The following TRAPPC9 variants were observed in gnomAD, a reference collection of about 807,000 sequenced individuals.
TRAPPC9 encodes trafficking protein particle complex subunit 9.
Under a neutral mutation model 124.0 loss-of-function variants are expected in TRAPPC9, and 83 were observed. The observed-to-expected ratio is 0.67, with a 90% CI of 0.56 to 0.80. The LOEUF (loss-of-function observed/expected upper bound fraction) is 0.80, where lower values mean the gene tolerates loss of function less well. TRAPPC9 is among the 30% of genes least tolerant of loss of function. The probability of loss-of-function intolerance (pLI) is 0.00; values close to 1 mark genes in which losing one functional copy is unlikely to be tolerated. For synonymous variants in TRAPPC9, 638 were observed against 617.5 expected (o/e 1.03, Z -0.49); for missense variants, 1,302 against 1,508.3 (o/e 0.86, Z 2.27).
At chr8:140,077,980 G>C (rs962160062) in intron 17 of TRAPPC9, among the ~76,000 whole-genome samples, 2 of 152,140 alleles carry the variant, frequency 1.3e-5, no homozygotes, top group Non-Finnish European at 2.9e-5. Context: ...ATTTGTCATG[G>C]AGATAAAATA....
intron 9 of TRAPPC9, among the ~76,000 whole-genome samples, chr8:140,327,146 G>C (rs969328830): frequency 6.6e-6 from 1 of 151,964 alleles, no homozygotes; most frequent in East Asian, 1.9e-4. Flanking sequence ...CCAGCTACTC[G>C]GGAGACTGAG....
chr8:140,372,515 T>C (rs1274876050), intron 7 of TRAPPC9, among the ~76,000 whole-genome samples: 2 of 152,214 alleles, frequency 1.3e-5, no homozygotes, highest in African/African-American at 2.4e-5. Flanking sequence ...CTTAGGTTCC[T>C]GAGACATGGC....
chr8:139,816,596 C>A (rs1410163867), intron 21 of TRAPPC9, among the ~76,000 whole-genome samples: 1 of 145,708 alleles, frequency 6.9e-6, no homozygotes, highest in Non-Finnish European at 1.5e-5. Flanking sequence ...CAGAGAACAT[C>A]CCACGGCTCC....
chr8:139,866,809 T>C (rs986939775), intron 21 of TRAPPC9, among the ~76,000 whole-genome samples: 3 of 152,112 alleles, frequency 2.0e-5, no homozygotes, highest in African/African-American at 7.2e-5. Flanking sequence ...TATATGTCTA[T>C]TTCCCAGCTC....
At chr8:140,149,870 A>G (rs560474335) in intron 17 of TRAPPC9, among the ~76,000 whole-genome samples, 6 of 152,134 alleles carry the variant, frequency 3.9e-5, no homozygotes, top group Non-Finnish European at 5.9e-5. Context: ...GGCTCTCTGT[A>G]TATCATGCAT....
At chr8:139,879,224 G>A (rs1249182461) in intron 21 of TRAPPC9, among the ~76,000 whole-genome samples, 1 of 152,198 alleles carries the variant, frequency 6.6e-6, no homozygotes, top group Non-Finnish European at 1.5e-5. Context: ...ATGGGGGGTG[G>A]GGCGCAGGGA....
chr8:139,755,448 A>C (rs992535288), intron 21 of TRAPPC9, among the ~76,000 whole-genome samples: 1 of 137,200 alleles, frequency 7.3e-6, no homozygotes, highest in Non-Finnish European at 1.5e-5. Flanking sequence ...TCGCAGGAGG[A>C]GCCAGGGTTT....
At chr8:139,797,152 C>A in intron 21 of TRAPPC9, among the ~76,000 whole-genome samples, 1 of 151,746 alleles carries the variant, frequency 6.6e-6, no homozygotes, top group East Asian at 1.9e-4. Flanking sequence ...ATACCAGTCC[C>A]TTATCAGATA....
intron 9 of TRAPPC9, among the ~76,000 whole-genome samples, chr8:140,341,772 G>T (rs146363677): frequency 1.1e-4 from 17 of 152,308 alleles, no homozygotes; most frequent in East Asian, 7.7e-4. Flanking sequence ...GCACGGGAAG[G>T]GGGGCTAGTG....
intron 19 of TRAPPC9, among the ~76,000 whole-genome samples, chr8:139,952,389 A>G (rs1834695107): frequency 6.6e-6 from 1 of 152,242 alleles, no homozygotes; most frequent in Admixed American, 6.5e-5. Context: ...TGAGGAAAGC[A>G]TGGTGTGAAC....
At chr8:140,172,048 C>T (rs1236571435) in intron 17 of TRAPPC9, among the ~76,000 whole-genome samples, 2 of 152,170 alleles carry the variant, frequency 1.3e-5, no homozygotes, top group African/African-American at 4.8e-5. Context: ...TAAGCAAATA[C>T]ATAATAGAAA....
intron 20 of TRAPPC9, among the ~76,000 whole-genome samples, chr8:139,909,505 C>A (rs2131272126): frequency 6.6e-6 from 1 of 152,288 alleles, no homozygotes; most frequent in East Asian, 1.9e-4. Context: ...TGCATCTCAG[C>A]CTCTTAAATG....
At chr8:139,973,302 G>A (rs546396351) in intron 19 of TRAPPC9, among the ~76,000 whole-genome samples, 62 of 152,312 alleles carry the variant, frequency 4.1e-4, no homozygotes, top group Middle Eastern at 6.8e-3. Context: ...GGGTGGCCAC[G>A]GGCCAGCGCC....
chr8:140,430,262 A>C (rs114219287), intron 4 of TRAPPC9, among the ~76,000 whole-genome samples: 3,710 of 152,270 alleles, frequency 0.024, 150 homozygotes, highest in African/African-American at 0.085. Flanking sequence ...TCTGTGTTAC[A>C]AAGAAAGAAC....
chr8:139,954,465 G>A (rs1834853872), intron 19 of TRAPPC9, among the ~76,000 whole-genome samples: 1 of 152,156 alleles, frequency 6.6e-6, no homozygotes, highest in African/African-American at 2.4e-5. Flanking sequence ...GTCCTTATAA[G>A]AAGAGATGCC....
At chr8:139,981,600 A>G (rs991851011) in intron 19 of TRAPPC9, among the ~76,000 whole-genome samples, 16 of 152,240 alleles carry the variant, frequency 1.1e-4, no homozygotes, top group Non-Finnish European at 2.1e-4. Context: ...AAGGAATTAA[A>G]CCAGAAACAA....
chr8:140,458,136 G>A, upstream of TRAPPC9: 2 of 1,463,216 alleles, frequency 1.4e-6, 1 homozygote. Context: ...GAGGGAGGAA[G>A]AGGAGGAGGG....
intron 21 of TRAPPC9, among the ~76,000 whole-genome samples, chr8:139,826,221 T>C (rs946637733): frequency 6.6e-6 from 1 of 152,044 alleles, no homozygotes; most frequent in Non-Finnish European, 1.5e-5. Context: ...GGGCCTGGAA[T>C]CAATAAACAG....
intron 17 of TRAPPC9, among the ~76,000 whole-genome samples, chr8:140,120,158 C>T (rs191574428): frequency 2.0e-4 from 31 of 152,298 alleles, no homozygotes; most frequent in Admixed American, 7.8e-4. Flanking sequence ...GGTGACACAG[C>T]CCCAGCCTTG....
Sources: gnomAD v4.1 joint callset for allele counts (sites outside exome capture counted in the v4.1 genomes callset) on GRCh38, gnomAD v4.1.1 for gene constraint, MANE v1.5 for transcripts, NCBI Gene and HGNC (gene_info 2026-07-23, HGNC 2026-07-21) for gene names.